Variants in PCDH15 observed in about 807,000 individuals in gnomAD.
PCDH15 encodes the protein protocadherin related 15.
A neutral mutation model predicts 178.5 loss-of-function variants in PCDH15; 129 were observed. The observed-to-expected ratio is 0.72, with a 90% CI of 0.63 to 0.84. PCDH15 has a LOEUF of 0.84. Ranked by LOEUF, PCDH15 falls within the 40% of genes least tolerant of loss-of-function variation. The pLI, the probability that PCDH15 is intolerant of heterozygous loss-of-function variation, is 0.00. For synonymous variants in PCDH15, 800 were observed against 732.0 expected (o/e 1.09, Z -1.50); for missense variants, 2,230 against 2,099.9 (o/e 1.06, Z -1.21).
chr10:54,961,023 AG>A (rs1838632074), intron 2 of PCDH15, among the ~76,000 whole-genome samples: 1 of 152,244 alleles, frequency 6.6e-6, no homozygotes, highest in African/African-American at 2.4e-5. Context: ...AATAACAATA[AG>A]AAAGAATTTA....
chr10:55,159,715 A>G (rs111315950), intron 2 of PCDH15, among the ~76,000 whole-genome samples: 20,286 of 147,550 alleles, frequency 0.14, 2,609 homozygotes, highest in African/African-American at 0.34. Flanking sequence ...TATATTATAT[A>G]TAGATATTGT....
chr10:54,491,304 G>A (rs369819335), intron 3 of PCDH15, among the ~76,000 whole-genome samples: 7 of 97,370 alleles, frequency 7.2e-5, no homozygotes, highest in Non-Finnish European at 1.3e-4. Context: ...TCCCTATGAT[G>A]TCTCAAAAAA....
chr10:53,973,767 C>A (rs537385947), intron 21 of PCDH15, among the ~76,000 whole-genome samples: 1 of 152,082 alleles, frequency 6.6e-6, no homozygotes, highest in Non-Finnish European at 1.5e-5. Flanking sequence ...AAAATCATAG[C>A]CATTGCTCCT....
chr10:54,461,847 C>T (rs546454042), intron 3 of PCDH15, among the ~76,000 whole-genome samples: 56 of 151,982 alleles, frequency 3.7e-4, no homozygotes, highest in African/African-American at 1.3e-3. Flanking sequence ...TTAATTCTTA[C>T]CAAATTCTTA....
intron 2 of PCDH15, among the ~76,000 whole-genome samples, chr10:54,927,825 G>C (rs886727231): frequency 6.6e-6 from 1 of 151,944 alleles, no homozygotes; most frequent in Non-Finnish European, 1.5e-5. Flanking sequence ...GAGCCTGTGG[G>C]TATCACTGCA....
At chr10:55,281,441 T>C (rs1251587221) in intron 1 of PCDH15, among the ~76,000 whole-genome samples, 1 of 152,072 alleles carries the variant, frequency 6.6e-6, no homozygotes, top group Non-Finnish European at 1.5e-5. Flanking sequence ...CTTTTTCTTT[T>C]TTTAATAAAA....
Position 54,774,007 on chromosome 10 carries a change from C to CTTTTTTTTTTTTT in PCDH15, c.-29+26905_-29+26917dup, listed in dbSNP as rs763704132. Among the ~76,000 whole-genome samples, 28 of 75,386 alleles carry CTTTTTTTTTTTTT rather than the reference C, an allele frequency of 3.7e-4. 4 individuals carry two copies. The highest frequency in any genetic ancestry group is 5.3e-4 in the Non-Finnish European group (21 of 39,284). 49.5% of individuals were successfully genotyped at this position (75,386 alleles called of 152,430 possible). On this transcript the variant is annotated intron_variant, in intron 1 of 37. Transcript: ENST00000644397. ...TAGATGAACTGGCATACTTCATAGG[C>CTTTTTTTTTTTTT]TTTTTTTTTTTTTTTTTTTTTTTTT...
chr10:55,517,910 T>C (rs748064642), intron 2 of PCDH15, among the ~76,000 whole-genome samples: 10 of 152,156 alleles, frequency 6.6e-5, no homozygotes, highest in Non-Finnish European at 1.5e-4. Context: ...CCTTGGCCTA[T>C]GAAGATTTGA....
chr10:54,436,138 AAAG>A (rs1261912448), intron 3 of PCDH15, among the ~76,000 whole-genome samples: 1 of 144,504 alleles, frequency 6.9e-6, no homozygotes, highest in African/African-American at 2.9e-5. Context: ...AAAGAAAAAG[AAAG>A]AAAGAAAGGA....
At chr10:55,573,986 A>C (rs950887964) in intron 2 of PCDH15, among the ~76,000 whole-genome samples, 3 of 152,012 alleles carry the variant, frequency 2.0e-5, no homozygotes, top group African/African-American at 7.2e-5. Flanking sequence ...TTATTAATAT[A>C]ACATAATATT....
At chr10:54,911,576 T>C (rs1211505579) in intron 2 of PCDH15, among the ~76,000 whole-genome samples, 3 of 152,216 alleles carry the variant, frequency 2.0e-5, no homozygotes, top group Non-Finnish European at 4.4e-5. Context: ...TGTTTTCAGA[T>C]TTTGCTCTGT....
chr10:55,568,352 T>C (rs1274390119), intron 2 of PCDH15, among the ~76,000 whole-genome samples: 1 of 151,980 alleles, frequency 6.6e-6, no homozygotes, highest in Non-Finnish European at 1.5e-5. Context: ...AGGTACTCAG[T>C]GTAGTCAAAA....
chr10:54,385,599 GTACTCAAA>G (rs1949825001), intron 3 of PCDH15, among the ~76,000 whole-genome samples: 1 of 152,100 alleles, frequency 6.6e-6, no homozygotes, highest in African/African-American at 2.4e-5. Flanking sequence ...TAACTAAAGA[GTACTCAAA>G]TATTCAAAGT....
chr10:55,334,242 A>ATATATATATATATGTGTGTGTG (rs1291195941), intron 2 of PCDH15, among the ~76,000 whole-genome samples: 2 of 72,144 alleles, frequency 2.8e-5, no homozygotes, highest in African/African-American at 1.9e-4. Flanking sequence ...ATATATATAT[A>ATATATATATATATGTGTGTGTG]TGTGTGTGTG....
Position 54,864,302 on chromosome 10 carries a change from CAATT to C in PCDH15, c.-29+33144_-29+33147del, listed in dbSNP as rs779877065. Among the ~76,000 whole-genome samples, 17 of 152,008 alleles carry C rather than the reference CAATT, an allele frequency of 1.1e-4. No homozygotes were observed. The South Asian group carries it at 1.5e-3, about 13-fold the overall frequency. On this transcript the variant is annotated intron_variant, in intron 3 of 5. Transcript: ENST00000458638. ...AAAGCAGGATAAAGTAGAGAAGAGA[CAATT>C]AAGAGAAAAAGTCTAAATTGGTTGA...
intron 2 of PCDH15, among the ~76,000 whole-genome samples, chr10:55,009,009 A>G (rs897412455): frequency 1.8e-4 from 28 of 152,182 alleles, no homozygotes; most frequent in African/African-American, 6.3e-4. Context: ...AGAAAACAAT[A>G]AAGACCTCCA....
chr10:54,713,028 C>A (rs1453256344), intron 1 of PCDH15, among the ~76,000 whole-genome samples: 1 of 152,016 alleles, frequency 6.6e-6, no homozygotes, highest in Non-Finnish European at 1.5e-5. Context: ...AAGATTATCT[C>A]TTTATGCCAT....
intron 1 of PCDH15, among the ~76,000 whole-genome samples, chr10:55,268,465 T>G (rs529592698): frequency 6.6e-6 from 1 of 152,294 alleles, no homozygotes; most frequent in African/African-American, 2.4e-5. Flanking sequence ...CTTAAAATAT[T>G]AGGACTTTAA....
chr10:53,957,345 G>A lies in PCDH15; in HGVS notation c.3122+2387C>T, dbSNP rs569762264. Among the ~76,000 whole-genome samples, 6 of 152,154 alleles carry A rather than the reference G, an allele frequency of 3.9e-5. No homozygotes were observed. In the South Asian group the frequency reaches 8.3e-4, roughly 21 times the overall value. On this transcript the variant is annotated intron_variant, in intron 23 of 37. Coordinates refer to ENST00000644397, the MANE Select transcript of PCDH15 (RefSeq NM_001384140.1). ...TGAGAAACAAAGTGAGTTTATATCC[G>A]TCCTGTTCTTGAGAACTCCAAAATT...
Sources: gnomAD v4.1 joint callset for allele counts (sites outside exome capture counted in the v4.1 genomes callset) on GRCh38, gnomAD v4.1.1 for gene constraint, MANE v1.5 for transcripts, NCBI Gene and HGNC (gene_info 2026-07-23, HGNC 2026-07-21) for gene names.